VANGL1: variants seen among roughly 807,000 people sequenced by gnomAD.
VANGL1 encodes the protein VANGL planar cell polarity protein 1.
A neutral mutation model predicts 48.4 loss-of-function variants in VANGL1; 18 were observed. The observed-to-expected ratio is 0.37, with a 90% CI of 0.26 to 0.55. The LOEUF is 0.55. VANGL1 is among the 20% of genes least tolerant of loss of function. The pLI, the probability that VANGL1 is intolerant of heterozygous loss-of-function variation, is 0.81. For missense variants in VANGL1, 667 were observed against 675.8 expected (o/e 0.99, Z 0.14); for synonymous variants, 257 against 261.8 (o/e 0.98, Z 0.18).
intron 7 of VANGL1, among the ~76,000 whole-genome samples, chr1:115,689,127 T>G (rs1653744550): frequency 7.3e-6 from 1 of 137,864 alleles, no homozygotes; most frequent in African/African-American, 2.7e-5. Flanking sequence ...AGAAAAATTT[T>G]TATATGTTAA....
At chr1:115,685,678 G>A in intron 7 of VANGL1, 151 bp downstream of exon 7, 2 of 894,086 alleles carry the variant, frequency 2.2e-6, no homozygotes, top group South Asian at 1.5e-5. Context: ...CTTATTTTAT[G>A]TTATGTTAGT....
At chr1:115,650,299 A>G (rs1268899204) in intron 1 of VANGL1, among the ~76,000 whole-genome samples, 1 of 152,140 alleles carries the variant, frequency 6.6e-6, no homozygotes, top group African/African-American at 2.4e-5. Flanking sequence ...AGCTGAGACT[A>G]GCTCTGGGGT....
intron 4 of VANGL1, among the ~76,000 whole-genome samples, chr1:115,676,443 G>A (rs747639085): frequency 9.2e-5 from 14 of 152,164 alleles, no homozygotes; most frequent in Admixed American, 8.5e-4. Context: ...TGGTACAGGC[G>A]CACCTGGGAT....
chr1:115,666,265 T>C (rs1652782392), intron 4 of VANGL1, among the ~76,000 whole-genome samples: 3 of 152,132 alleles, frequency 2.0e-5, no homozygotes, highest in Non-Finnish European at 4.4e-5. Context: ...CTTCTCACCA[T>C]AGGTCATGCA....
chr1:115,653,985 G>C (rs761365467), intron 2 of VANGL1, among the ~76,000 whole-genome samples: 19 of 152,224 alleles, frequency 1.2e-4, no homozygotes, highest in Middle Eastern at 3.4e-3. Flanking sequence ...GGGGTGAGAG[G>C]CACCATCCCT....
intron 6 of VANGL1, among the ~76,000 whole-genome samples, chr1:115,684,673 G>A (rs1178248400): frequency 2.6e-5 from 4 of 152,200 alleles, no homozygotes; most frequent in Non-Finnish European, 5.9e-5. Context: ...ATTTCTAACA[G>A]ATTCCTGCGT....
intron 7 of VANGL1, among the ~76,000 whole-genome samples, chr1:115,687,757 C>G (rs1376771544): frequency 8.1e-6 from 1 of 123,692 alleles, no homozygotes; most frequent in Non-Finnish European, 1.7e-5. Flanking sequence ...GTGTAAACCA[C>G]AGGCACACGC....
chr1:115,693,128 G>T lies in VANGL1; in HGVS notation c.*1749G>T, dbSNP rs3811010. ...GGAAGGGGGAACCCATAGGTGTGGC[G>T]TGGAGCCAAGATGTACTATTCAACT... On this transcript the variant is annotated 3_prime_UTR_variant, in exon 8 of 8. Transcript: ENST00000355485. 8,621 of 152,616 alleles carry T rather than the reference G, an allele frequency of 0.056. 439 individuals are homozygous for T. Among genetic ancestry groups the T allele is most frequent in the African/African-American group, 0.14 (5,612 of 41,516 alleles). The allele number at this position is 152,616 out of a possible 1,614,324, so 9.5% of individuals were successfully genotyped here. A position where few individuals can be genotyped will look rare whatever the true frequency, so the allele number is the denominator to read the frequency against.
chr1:115,653,319 G>A (rs527304437), intron 2 of VANGL1, among the ~76,000 whole-genome samples: 1 of 152,330 alleles, frequency 6.6e-6, no homozygotes, highest in South Asian at 2.1e-4. Context: ...CAGCTCCTGA[G>A]ACAGTCACAA....
chr1:115,663,459 T>TA (rs1447059064), intron 3 of VANGL1, among the ~76,000 whole-genome samples: 1 of 152,228 alleles, frequency 6.6e-6, no homozygotes, highest in Non-Finnish European at 1.5e-5. Flanking sequence ...TTTGAAAAGG[T>TA]AAATACCTCA....
chr1:115,680,026 T>A (rs61226556), intron 4 of VANGL1, among the ~76,000 whole-genome samples: 31,499 of 96,616 alleles, frequency 0.33, 4,248 homozygotes, highest in South Asian at 0.46. Context: ...TGTGTGTATG[T>A]GAGAGAGAGA....
intron 2 of VANGL1, among the ~76,000 whole-genome samples, chr1:115,657,124 G>T (rs1355472350): frequency 6.6e-6 from 1 of 152,246 alleles, no homozygotes; most frequent in Non-Finnish European, 1.5e-5. Flanking sequence ...GTTTCTCACA[G>T]TGGGTGCCTT....
At chr1:115,645,731 A>G (rs539197602) in intron 1 of VANGL1, among the ~76,000 whole-genome samples, 35 of 152,354 alleles carry the variant, frequency 2.3e-4, no homozygotes, top group African/African-American at 7.5e-4. Context: ...CATAATATAA[A>G]TAATAATTAA....
rs1654051945 is a variant in VANGL1, at chr1:115,696,908, A to G, written c.*5529A>G. On this transcript the variant is annotated 3_prime_UTR_variant, in exon 8 of 8. Transcript: ENST00000355485. ...TAAGCTTTGGGGACAAAGGTGACAA[A>G]CCCCAGGCTTTTATCTTAAAAGTGT... 6.6e-6 allele frequency: 1 copy of G among 152,108 alleles called. No homozygotes were observed. The highest frequency in any genetic ancestry group is 1.5e-5 in the Non-Finnish European group (1 of 68,016). 9.4% of individuals were successfully genotyped at this position (152,108 alleles called of 1,614,324 possible). A position where few individuals can be genotyped will look rare whatever the true frequency, so the allele number is the denominator to read the frequency against.
chr1:115,662,316 T>C (rs1201636202), intron 3 of VANGL1, among the ~76,000 whole-genome samples: 1 of 152,230 alleles, frequency 6.6e-6, no homozygotes, highest in Admixed American at 6.5e-5. Flanking sequence ...TTTTTCTAAG[T>C]TGGTGTCCTA....
chr1:115,697,261 A>C lies in VANGL1; in HGVS notation c.*5882A>C, dbSNP rs1211940427. The C allele has an allele frequency of 6.6e-6, 1 of 152,234 alleles. No individual in the cohort carries two copies. Among genetic ancestry groups the C allele is most frequent in the Middle Eastern group, 3.2e-3 (1 of 314 alleles). 9.4% of individuals were successfully genotyped at this position (152,234 alleles called of 1,614,324 possible). A position where few individuals can be genotyped will look rare whatever the true frequency, so the allele number is the denominator to read the frequency against. The stretch of plus-strand genomic sequence containing the variant: ...TTGCCGTTCTAGGGGCCTTGTAGAA[A>C]GATGAAACAGTTGTTTTTCATTTAC... On this transcript the variant is annotated 3_prime_UTR_variant, in exon 8 of 8. Transcript: ENST00000355485.
chr1:115,682,375 C>T lies in VANGL1; in HGVS notation c.824C>T (p.Ala275Val). The stretch of plus-strand genomic sequence containing the variant: ...TCTTTTTTTCTCAGTATCCAGCGAG[C>T]AGCATTGGTGGTCCTAGAAAATTAC... Reference protein sequence around the residue: ...YSLGHLSIQRAALVVLENYYK... With the variant: ...YSLGHLSIQRVALVVLENYYK... The change falls in exon 5 of 8, where the codon GCA becomes GTA. Residue 275 changes from alanine (A) to valine (V), a missense_variant. Transcript: ENST00000355485. 2 of 1,614,154 alleles carry T rather than the reference C, an allele frequency of 1.2e-6. No individual in the cohort carries two copies. Among genetic ancestry groups the T allele is most frequent in the Non-Finnish European group, 1.7e-6 (2 of 1,180,032 alleles).
intron 1 of VANGL1, among the ~76,000 whole-genome samples, chr1:115,648,303 C>T (rs932633221): frequency 2.0e-5 from 3 of 152,130 alleles, no homozygotes; most frequent in Non-Finnish European, 4.4e-5. Flanking sequence ...CCTTGGCCAA[C>T]TTTGAGTTGT....
intron 4 of VANGL1, among the ~76,000 whole-genome samples, chr1:115,676,388 T>C (rs1050464806): frequency 6.6e-6 from 1 of 152,188 alleles, no homozygotes; most frequent in African/African-American, 2.4e-5. Flanking sequence ...CCATCTTGGC[T>C]CATTTCCCAT....
Sources: gnomAD v4.1 joint callset for allele counts (sites outside exome capture counted in the v4.1 genomes callset) on GRCh38, gnomAD v4.1.1 for gene constraint, MANE v1.5 for transcripts, NCBI Gene and HGNC (gene_info 2026-07-23, HGNC 2026-07-21) for gene names.